The following USP25 variants were observed in gnomAD, a reference collection of about 807,000 sequenced individuals.
USP25 encodes the protein ubiquitin specific peptidase 25.
USP25 carries 85 observed loss-of-function variants against 158.5 expected under a neutral mutation model. The ratio of observed to expected loss-of-function variants is 0.54; its 90% CI spans 0.45 to 0.64. The LOEUF is 0.64. Ranked by LOEUF, USP25 falls within the 30% of genes least tolerant of loss-of-function variation. The pLI is 0.00. For missense variants in USP25, 1,242 were observed against 1,327.3 expected, an observed-to-expected ratio of 0.94 and a Z score of 1.00; for synonymous variants, 464 against 460.4, an observed-to-expected ratio of 1.01 and a Z score of -0.10.
At chr21:15,791,220 A>C (rs2035572387) in intron 4 of USP25, among the ~76,000 whole-genome samples, 1 of 151,914 alleles carries the variant, frequency 6.6e-6, no homozygotes, top group African/African-American at 2.4e-5. Flanking sequence ...TATTCCTGGT[A>C]CTAATATCTA....
chr21:15,877,285 A>G (rs1222952054), intron 24 of USP25: 2 of 152,304 alleles, frequency 1.3e-5, no homozygotes, highest in Non-Finnish European at 2.9e-5. Flanking sequence ...ATCTGCAGAA[A>G]TTTCTGGCAC....
chr21:15,787,835 A>C (rs760580268), intron 4 of USP25, among the ~76,000 whole-genome samples: 1 of 151,204 alleles, frequency 6.6e-6, no homozygotes, highest in Non-Finnish European at 1.5e-5. Flanking sequence ...ATGAAGTGGG[A>C]TATTTTCAGT....
intron 1 of USP25, among the ~76,000 whole-genome samples, chr21:15,755,678 G>T (rs1336594775): frequency 6.6e-6 from 1 of 152,130 alleles, no homozygotes; most frequent in Non-Finnish European, 1.5e-5. Context: ...GTCTGGTATA[G>T]GGAAGTTTAA....
chr21:15,835,998 T>C (rs2038046942), intron 17 of USP25, among the ~76,000 whole-genome samples: 1 of 152,216 alleles, frequency 6.6e-6, no homozygotes, highest in Admixed American at 6.5e-5. Flanking sequence ...AATTTTATTT[T>C]AATGTCCATG....
Position 15,826,990 on chromosome 21 carries a change from C to G in USP25, c.1480C>G (p.Gln494Glu). ...SQTLPSTTEQ[Q>E]GALSSELPST... Reference sequence around the variant, plus strand: ...GCTTTGATACAGCACAACAGAACAACAGGGAGCCCTATCTTCAGAACTGCC... The same window carrying G: ...GCTTTGATACAGCACAACAGAACAAGAGGGAGCCCTATCTTCAGAACTGCC... Residue 494 changes from glutamine (Q) to glutamate (E), a missense_variant, in exon 14 of 26, where the codon CAG (glutamine) becomes GAG (glutamate). Gln to Glu is a conservative substitution (Grantham distance 29). This residue lies in a region of USP25 where 627 missense variants were observed against 701.4 expected (regional missense o/e 0.89). Transcript: ENST00000400183. This position sits in a 1 kb window ranked among gnomAD's most constrained non-coding sequence, Gnocchi z 4.8. 1.2e-6 allele frequency: 2 copies of G among 1,613,732 alleles called. No homozygotes were observed. The highest frequency in any genetic ancestry group is 3.3e-4 in the Middle Eastern group (2 of 6,062).
chr21:15,757,824 CAA>C, intron 1 of USP25, among the ~76,000 whole-genome samples: 1 of 152,244 alleles, frequency 6.6e-6, no homozygotes, highest in East Asian at 1.9e-4. Flanking sequence ...GTAAAAGTGG[CAA>C]AGAGTATGAA....
chr21:15,768,927 A>G (rs1463116822), intron 3 of USP25, among the ~76,000 whole-genome samples: 1 of 152,130 alleles, frequency 6.6e-6, no homozygotes, highest in Non-Finnish European at 1.5e-5. Flanking sequence ...AGTGCTGACA[A>G]AACGTCTGTC....
At chr21:15,852,256 G>C (rs554868943) in intron 20 of USP25, among the ~76,000 whole-genome samples, 29 of 151,328 alleles carry the variant, frequency 1.9e-4, no homozygotes, top group African/African-American at 7.0e-4. Flanking sequence ...TCCCTTTCTT[G>C]CTTTTTTTTT....
rs1158669254 is a variant in USP25 at position 15,766,579 on chromosome 21, C to T, written c.268+438C>T. ...CCCCTGCTTCCAAATAAAGCTTTGG[C>T]AAAGAAGTTTATTATTGTGTAATGA... On this transcript the variant is annotated intron_variant, in intron 3 of 25. Coordinates refer to ENST00000400183, the MANE Select transcript of USP25 (RefSeq NM_001283041.3). The surrounding 1 kb of genome is among the most constrained non-coding windows in gnomAD (Gnocchi z 4.0). Among the ~76,000 whole-genome samples, 1 of 151,452 alleles carries T rather than the reference C, an allele frequency of 6.6e-6. No individual in the cohort carries two copies. Among genetic ancestry groups the T allele is most frequent in the East Asian group, 1.9e-4 (1 of 5,168 alleles).
intron 17 of USP25, among the ~76,000 whole-genome samples, chr21:15,835,206 C>T (rs976171045): frequency 3.3e-5 from 5 of 152,254 alleles, no homozygotes; most frequent in African/African-American, 1.2e-4. Flanking sequence ...ACAGGTGAAT[C>T]CTCCATTCAT....
chr21:15,745,762 C>T (rs1195127591), intron 1 of USP25, among the ~76,000 whole-genome samples: 1 of 152,158 alleles, frequency 6.6e-6, no homozygotes, highest in African/African-American at 2.4e-5. Context: ...AGGCGTGAGC[C>T]ACCACGCCCG....
chr21:15,873,723 C>A (rs891703035), intron 23 of USP25, among the ~76,000 whole-genome samples: 3 of 151,986 alleles, frequency 2.0e-5, no homozygotes, highest in Admixed American at 6.6e-5. Context: ...GAACTCCCTA[C>A]GTCAGGTGGT....
At position 15,736,359 on chromosome 21, in the gene USP25, A is replaced by G. The variant is rs542420639; in HGVS notation, c.45+5921A>G. The stretch of plus-strand genomic sequence containing the variant: ...GTGATCAGCCTGCCTTGGGCTCCCG[A>G]AGTACTGGGCAGTTTCTCTTTGTAT... On this transcript the variant is annotated intron_variant, in intron 1 of 25. Coordinates refer to ENST00000400183, the MANE Select transcript of USP25 (RefSeq NM_001283041.3). 5.3e-4 allele frequency among the ~76,000 whole-genome samples: 81 copies of G among 152,250 alleles called. 4 individuals carry two copies. In the South Asian group the frequency reaches 0.015, roughly 28 times the overall value.
chr21:15,777,721 T>G (rs573877792), intron 3 of USP25, among the ~76,000 whole-genome samples, 183 bp from the exon 4 acceptor site: 51 of 152,306 alleles, frequency 3.3e-4, no homozygotes, highest in African/African-American at 1.2e-3. Context: ...AAAAAAATCA[T>G]TGAGTTACTG....
chr21:15,771,903 T>C (rs2034379253), intron 3 of USP25, among the ~76,000 whole-genome samples: 1 of 151,884 alleles, frequency 6.6e-6, no homozygotes, highest in South Asian at 2.1e-4. Flanking sequence ...ACTTGGCTTA[T>C]TTTTTTTAAA....
At chr21:15,848,258 A>G (rs2038721718) in intron 19 of USP25, among the ~76,000 whole-genome samples, 1 of 152,138 alleles carries the variant, frequency 6.6e-6, no homozygotes, top group African/African-American at 2.4e-5. Context: ...GGAGTAAGTC[A>G]TCACCGTTAC....
At chr21:15,810,696 C>T (rs2036614454) in intron 8 of USP25, among the ~76,000 whole-genome samples, 1 of 152,056 alleles carries the variant, frequency 6.6e-6, no homozygotes, top group Non-Finnish European at 1.5e-5. Context: ...TTGGACTCTT[C>T]CATGTAAATA....
chr21:15,732,959 T>G (rs1293956624), intron 1 of USP25, among the ~76,000 whole-genome samples: 1 of 152,146 alleles, frequency 6.6e-6, no homozygotes, highest in Non-Finnish European at 1.5e-5. Flanking sequence ...TTCTGAGGTT[T>G]AGGTATTTCA....
chr21:15,734,626 ATACT>A (rs769587444), intron 1 of USP25, among the ~76,000 whole-genome samples: 23 of 151,950 alleles, frequency 1.5e-4, no homozygotes, highest in Non-Finnish European at 2.8e-4. Context: ...TCCTTTACAA[ATACT>A]TAATATTCTG....
Sources: allele counts gnomAD v4.1 joint callset (sites outside exome capture counted in the v4.1 genomes callset), GRCh38; gene constraint gnomAD v4.1.1; regional missense constraint gnomAD v4.1.1; non-coding constraint Gnocchi (gnomAD v3.1); transcripts MANE v1.5; gene names NCBI Gene and HGNC (gene_info 2026-07-23, HGNC 2026-07-21).